The following CYP2R1 variants were observed in gnomAD, a reference collection of about 807,000 sequenced individuals.
The protein encoded by CYP2R1 is cytochrome P450 family 2 subfamily R member 1.
In CYP2R1, 40 loss-of-function variants were observed where a neutral mutation model predicts 45.7. The ratio of observed to expected loss-of-function variants is 0.87; its 90% confidence interval spans 0.68 to 1.14. CYP2R1 has a LOEUF of 1.14. Ranked by LOEUF, CYP2R1 falls within the 50% of genes most tolerant of loss-of-function variation. CYP2R1 has a pLI of 0.00. For synonymous variants in CYP2R1, 234 were observed against 219.3 expected (o/e 1.07, Z -0.59); for missense variants, 605 against 602.6 (o/e 1.00, Z -0.04).
At chr11:14,880,083 G>T in intron 3 of CYP2R1, 53 bp downstream of exon 3, 2 of 1,592,470 alleles carry the variant, frequency 1.3e-6, no homozygotes. Flanking sequence ...TCAAAAACAT[G>T]TATGAACCCT....
chr11:14,886,516 C>T (rs1848626300), intron 1 of CYP2R1: 1 of 154,118 alleles, frequency 6.5e-6, no homozygotes, highest in Admixed American at 6.4e-5. Context: ...GCATTTACCA[C>T]ATAGGTTAGG....
At chr11:14,886,370 G>C (rs1388616927) in intron 1 of CYP2R1, 2 of 170,048 alleles carry the variant, frequency 1.2e-5, no homozygotes, top group African/African-American at 4.8e-5. Flanking sequence ...AGGCTAGTGA[G>C]GGAGAGGATT....
intron 4 of CYP2R1, 117 bp from the exon 5 acceptor site, chr11:14,878,414 T>G: frequency 3.1e-6 from 3 of 971,988 alleles, no homozygotes; most frequent in East Asian, 2.6e-5. Context: ...AAGAGGGAAC[T>G]ATGTTTATTA....
rs535113147 is a variant in CYP2R1, at chr11:14,890,678, C to T, written c.225+1303G>A. 43 of 244,802 alleles carry T rather than the reference C, an allele frequency of 1.8e-4. 1 individual carries two copies. The highest frequency in any genetic ancestry group is 7.4e-4 in the East Asian group (4 of 5,386). The allele number at this position is 244,802 out of a possible 1,614,324, so 15.2% of individuals were successfully genotyped here. ...TCTCCTGCCTCAGCCTCCCGAATAGCTGGGACTACAGGTGCCCGCCACCAC... is the reference window on the plus strand; with the variant it reads ...TCTCCTGCCTCAGCCTCCCGAATAGTTGGGACTACAGGTGCCCGCCACCAC... On this transcript the variant is annotated intron_variant, in intron 1 of 4. Coordinates refer to ENST00000334636, the MANE Select transcript of CYP2R1 (RefSeq NM_024514.5).
In CYP2R1 at chr11:14,878,044, C is replaced by G. The variant is rs1469322647; in HGVS notation, c.*78G>C. 1.4e-6 allele frequency: 2 copies of G among 1,473,250 alleles called. No homozygotes were observed. The highest frequency in any genetic ancestry group is 1.9e-6 in the Non-Finnish European group (2 of 1,065,586). 91.3% of individuals were successfully genotyped at this position (1,473,250 alleles called of 1,614,324 possible). Reference sequence around the variant, plus strand: ...TGATGCTGTGACTTTTATTCTAATACACACATTGATTTGATTAAACCAAGT... The same window carrying G: ...TGATGCTGTGACTTTTATTCTAATAGACACATTGATTTGATTAAACCAAGT... On this transcript the variant is annotated 3_prime_UTR_variant, in exon 5 of 5. Transcript: ENST00000334636.
intron 1 of CYP2R1, chr11:14,891,608 G>A: frequency 4.7e-6 from 5 of 1,062,696 alleles, no homozygotes; most frequent in Non-Finnish European, 5.7e-6. Flanking sequence ...CTGCGAGGCC[G>A]ACTCGCAAGA....
intron 1 of CYP2R1, among the ~76,000 whole-genome samples, chr11:14,889,990 G>A (rs985902909): frequency 6.6e-6 from 1 of 152,040 alleles, no homozygotes; most frequent in Non-Finnish European, 1.5e-5. Context: ...TTAGCCGGGC[G>A]TGGTGGCGAG....
chr11:14,885,993 G>GT lies in CYP2R1; in HGVS notation c.226-77dup, dbSNP rs1158251354. On this transcript the variant is annotated intron_variant, in intron 1 of 4. Coordinates refer to ENST00000334636, the MANE Select transcript of CYP2R1 (RefSeq NM_024514.5). ...ATATAACCATGGAAATCTACAAGTG[G>GT]TAAGTGCGGCTCTTCCAGGATTTGT... 6.3e-6 allele frequency: 9 copies of GT among 1,425,408 alleles called. No individual in the cohort carries two copies. The African/African-American group carries it at 8.5e-5, about 13-fold the overall frequency. The allele number at this position is 1,425,408 out of a possible 1,614,324, so 88.3% of individuals were successfully genotyped here. A position where few individuals can be genotyped will look rare whatever the true frequency, so the allele number is the denominator to read the frequency against.
At chr11:14,887,630 C>T in intron 1 of CYP2R1, 1 of 985,322 alleles carries the variant, frequency 1.0e-6, no homozygotes, top group Non-Finnish European at 1.2e-6. Flanking sequence ...TTTTCCTTGC[C>T]TTCTAGATCA....
rs948617374 is a variant in CYP2R1, at chr11:14,877,667, A to T, written c.*455T>A. On this transcript the variant is annotated 3_prime_UTR_variant, in exon 5 of 5. Transcript: ENST00000334636. ...ATACCTCTATAGTCCTAACTCATTT[A>T]TTTGTGTTTTAATTTCTTCTGTAGT... 1.3e-5 allele frequency: 2 copies of T among 154,206 alleles called. No homozygotes were observed. Among genetic ancestry groups the T allele is most frequent in the African/African-American group, 4.8e-5 (2 of 41,436 alleles). The allele number at this position is 154,206 out of a possible 1,614,324, so 9.6% of individuals were successfully genotyped here.
chr11:14,881,998 T>C lies in CYP2R1; in HGVS notation c.368-1230A>G, dbSNP rs561427939. 2.0e-3 allele frequency among the ~76,000 whole-genome samples: 305 copies of C among 152,240 alleles called. 1 individual carries two copies. Among genetic ancestry groups the C allele is most frequent in the Non-Finnish European group, 1.3e-3 (88 of 67,992 alleles). On this transcript the variant is annotated intron_variant, in intron 2 of 4. Transcript: ENST00000334636. ...AAATTTACATTCCAACAACTTATTG[T>C]GCAATAATTTTTGAATGTAGAACTT... is the stretch of plus-strand genomic sequence containing the variant.
Position 14,878,035 on chromosome 11 carries a change from A to C in CYP2R1, c.*87T>G. 7.0e-7 allele frequency: 1 copy of C among 1,425,662 alleles called. No homozygotes were observed. Among genetic ancestry groups the C allele is most frequent in the Non-Finnish European group, 9.7e-7 (1 of 1,031,052 alleles). 88.3% of individuals were successfully genotyped at this position (1,425,662 alleles called of 1,614,324 possible). On this transcript the variant is annotated 3_prime_UTR_variant, in exon 5 of 5. Transcript: ENST00000334636. ...TTGGCTTTTTGATGCTGTGACTTTT[A>C]TTCTAATACACACATTGATTTGATT...
chr11:14,890,073 G>A (rs913945182), intron 1 of CYP2R1, among the ~76,000 whole-genome samples: 3 of 152,278 alleles, frequency 2.0e-5, no homozygotes, highest in Admixed American at 1.3e-4. Context: ...AGCTTTCAGT[G>A]AGCCGAGATG....
Position 14,885,848 on chromosome 11 carries a change from G to A in CYP2R1, c.295C>T (p.Leu99Phe), listed in dbSNP as rs1555014313. The change falls in exon 2 of 5, where the codon CTT (leucine) becomes TTT (phenylalanine). Residue 99 changes from leucine (L) to phenylalanine (F), a missense_variant. Leu to Phe is a conservative substitution (Grantham distance 22). Transcript: ENST00000334636. ...GCAAAAATTTCGCTTTGATGAACAA[G>A]GCATTCCTTTACTACATCATAGCCA... The part of the protein sequence containing the change: ...LNGYDVVKEC[L>F]VHQSEIFADR... The A allele has an allele frequency of 6.2e-7, 1 of 1,613,456 alleles. No homozygotes were observed. The highest frequency in any genetic ancestry group is 1.1e-5 in the South Asian group (1 of 91,062).
chr11:14,892,360 A>G (rs1848896748), upstream of CYP2R1: 1 of 702,644 alleles, frequency 1.4e-6, no homozygotes, highest in Non-Finnish European at 2.4e-6. Flanking sequence ...CTTCGGGACA[A>G]CTACCTTCTA....
At chr11:14,884,804 CT>C (rs1659437914) in intron 2 of CYP2R1, among the ~76,000 whole-genome samples, 1 of 152,134 alleles carries the variant, frequency 6.6e-6, no homozygotes, top group East Asian at 1.9e-4. Flanking sequence ...AAATTTACAG[CT>C]TTGAAAAATA....
chr11:14,888,755 T>C (rs1848713807), intron 1 of CYP2R1, among the ~76,000 whole-genome samples: 2 of 152,198 alleles, frequency 1.3e-5, no homozygotes, highest in South Asian at 4.1e-4. Flanking sequence ...TTACACAGAA[T>C]CTCATTCAGT....
intron 1 of CYP2R1, chr11:14,891,039 G>T (rs1289347687): frequency 7.1e-6 from 7 of 985,198 alleles, no homozygotes; most frequent in Non-Finnish European, 8.4e-6. Context: ...CTTCTTCACC[G>T]CTAGCGTCAG....
At chr11:14,883,376 G>A (rs1848470479) in intron 2 of CYP2R1, among the ~76,000 whole-genome samples, 1 of 152,232 alleles carries the variant, frequency 6.6e-6, no homozygotes, top group East Asian at 1.9e-4. Context: ...CAGAAATAAT[G>A]CCGCATATCT....
Sources: allele counts gnomAD v4.1 joint callset (sites outside exome capture counted in the v4.1 genomes callset), GRCh38; gene constraint gnomAD v4.1.1; transcripts MANE v1.5; gene names NCBI Gene and HGNC (gene_info 2026-07-23, HGNC 2026-07-21).